DAPK1: variants seen among roughly 807,000 people sequenced by gnomAD.
DAPK1 encodes the protein death associated protein kinase 1.
In DAPK1, 56 loss-of-function variants were observed where a neutral mutation model predicts 144.9. The observed-to-expected ratio is 0.39, with a 90% CI of 0.31 to 0.48. The LOEUF is 0.48. DAPK1 is among the 20% of genes least tolerant of loss of function. The pLI is 0.95. For synonymous variants in DAPK1, 690 were observed against 749.0 expected (o/e 0.92, Z 1.29); for missense variants, 1,454 against 1,875.4 (o/e 0.78, Z 4.15).
intron 21 of DAPK1, among the ~76,000 whole-genome samples, chr9:87,691,502 C>A (rs941497387): frequency 2.0e-5 from 3 of 151,608 alleles, no homozygotes; most frequent in African/African-American, 7.3e-5. Context: ...TCTTCTCTGA[C>A]CTTTATTATT....
intron 2 of DAPK1, among the ~76,000 whole-genome samples, chr9:87,542,842 GATGCCCACATGC>G (rs1156406145): frequency 6.6e-6 from 1 of 152,148 alleles, no homozygotes; most frequent in African/African-American, 2.4e-5. Context: ...TCAGCAATGG[GATGCCCACATGC>G]ATGCCTCACA....
chr9:87,636,346 GA>G (rs1485642931), intron 3 of DAPK1, among the ~76,000 whole-genome samples: 4 of 152,200 alleles, frequency 2.6e-5, no homozygotes, highest in East Asian at 1.9e-4. Context: ...GGCCCCTGGG[GA>G]TAGGAGAGTC....
At chr9:87,531,099 G>A (rs1293031409) in intron 2 of DAPK1, among the ~76,000 whole-genome samples, 2 of 152,138 alleles carry the variant, frequency 1.3e-5, no homozygotes, top group Admixed American at 1.3e-4. Context: ...AAGGGGTTAG[G>A]GGGAGAGATC....
In DAPK1 at chr9:87,662,968, C is replaced by T. The variant is rs1830917021; in HGVS notation, c.1923+4841C>T. Reference sequence around the variant, plus strand: ...AGCTGAGTCAAGGCCTAGGGAGGGGCCTCTGGTCTTCCTGGAAGGCCCAGC... The same window carrying T: ...AGCTGAGTCAAGGCCTAGGGAGGGGTCTCTGGTCTTCCTGGAAGGCCCAGC... On this transcript the variant is annotated intron_variant, in intron 18 of 25. Coordinates refer to ENST00000408954, the MANE Select transcript of DAPK1 (RefSeq NM_004938.4). Among the ~76,000 whole-genome samples, 3 of 152,028 alleles carry T rather than the reference C, an allele frequency of 2.0e-5. No individual in the cohort carries two copies. The South Asian group carries it at 6.2e-4, about 32-fold the overall frequency.
intron 3 of DAPK1, among the ~76,000 whole-genome samples, chr9:87,619,856 G>A (rs1056259920): frequency 1.3e-5 from 2 of 152,152 alleles, no homozygotes; most frequent in South Asian, 2.1e-4. Context: ...TGCCCATCAC[G>A]TAACAGCTGC....
chr9:87,499,682 G>T (rs540761915), intron 2 of DAPK1, among the ~76,000 whole-genome samples: 2 of 152,300 alleles, frequency 1.3e-5, no homozygotes, highest in South Asian at 2.1e-4. Flanking sequence ...GTTGGTGTTG[G>T]TGGTTGCTTT....
chr9:87,637,253 C>G (rs1009808920), intron 3 of DAPK1, among the ~76,000 whole-genome samples: 1 of 152,002 alleles, frequency 6.6e-6, no homozygotes, highest in East Asian at 1.9e-4. Context: ...GTCACCATGC[C>G]CAGTTGTTTT....
chr9:87,581,797 G>T, intron 2 of DAPK1, among the ~76,000 whole-genome samples: 1 of 152,292 alleles, frequency 6.6e-6, no homozygotes, highest in South Asian at 2.1e-4. Flanking sequence ...TGCCACCGGG[G>T]AACAAACCAG....
chr9:87,653,234 G>A (rs561379044), intron 17 of DAPK1, among the ~76,000 whole-genome samples: 106 of 138,280 alleles, frequency 7.7e-4, no homozygotes, highest in Non-Finnish European at 1.5e-3. Context: ...ACCTGAACCC[G>A]GGTCCTGATT....
chr9:87,581,064 T>G (rs542490863), intron 2 of DAPK1, among the ~76,000 whole-genome samples: 84 of 152,322 alleles, frequency 5.5e-4, no homozygotes, highest in African/African-American at 2.0e-3. Context: ...GCGTAACTTA[T>G]CTGAGTTCTC....
intron 3 of DAPK1, among the ~76,000 whole-genome samples, chr9:87,611,466 GTT>G (rs1165165857): frequency 6.6e-6 from 1 of 152,110 alleles, no homozygotes; most frequent in South Asian, 2.1e-4. Flanking sequence ...TGACTTTTTG[GTT>G]TTTTTCTTGA....
chr9:87,592,005 C>T (rs1009119411), intron 2 of DAPK1, among the ~76,000 whole-genome samples: 5 of 152,318 alleles, frequency 3.3e-5, no homozygotes, highest in Middle Eastern at 3.4e-3. Flanking sequence ...GACCGTCCTC[C>T]GCTCCAGGGC....
chr9:87,676,205 C>T (rs1281636042), intron 19 of DAPK1, among the ~76,000 whole-genome samples: 8 of 152,360 alleles, frequency 5.3e-5, no homozygotes, highest in East Asian at 1.9e-4. Context: ...GCCTGGGCTT[C>T]GTGCCAGCCA....
chr9:87,594,329 T>C (rs550879263), intron 2 of DAPK1, among the ~76,000 whole-genome samples: 1 of 152,252 alleles, frequency 6.6e-6, no homozygotes, highest in South Asian at 2.1e-4. Flanking sequence ...GTCCTAGGGA[T>C]GGTGCTGAGT....
chr9:87,541,441 C>T (rs1050667282), intron 2 of DAPK1, among the ~76,000 whole-genome samples: 1 of 151,066 alleles, frequency 6.6e-6, no homozygotes, highest in South Asian at 2.1e-4. Flanking sequence ...CCCAGTTGTT[C>T]GGTAGGCTGA....
At chr9:87,682,582 A>C (rs910167126) in intron 20 of DAPK1, among the ~76,000 whole-genome samples, 2 of 152,186 alleles carry the variant, frequency 1.3e-5, no homozygotes, top group Non-Finnish European at 2.9e-5. Context: ...TGAGATTTAT[A>C]TTCCCTTTTC....
rs764976125 is a variant in DAPK1, at chr9:87,700,256, G to C, written c.2871+19G>C. The C allele has an allele frequency of 2.5e-6, 4 of 1,605,292 alleles. No individual in the cohort carries two copies. The highest frequency in any genetic ancestry group is 3.4e-6 in the Non-Finnish European group (4 of 1,172,010). ...TGTTTCGGTAAGTACACCATGGAAA[G>C]AGCCTGGACCCCTTTGTACTTCCTT... On this transcript the variant is annotated intron_variant, in intron 24 of 25. Transcript: ENST00000408954.
At chr9:87,663,978 C>T (rs1462007990) in intron 18 of DAPK1, among the ~76,000 whole-genome samples, 2 of 152,148 alleles carry the variant, frequency 1.3e-5, no homozygotes, top group Non-Finnish European at 2.9e-5. Context: ...CCAGCCCCCA[C>T]CTGGTTAAGG....
intron 2 of DAPK1, among the ~76,000 whole-genome samples, chr9:87,507,189 T>C (rs55687363): frequency 1.9e-3 from 290 of 152,324 alleles, no homozygotes; most frequent in African/African-American, 6.4e-3. Context: ...TGAAGTATAA[T>C]GTTGCTTACT....
Sources: gnomAD v4.1 joint callset for allele counts (sites outside exome capture counted in the v4.1 genomes callset) on GRCh38, gnomAD v4.1.1 for gene constraint, MANE v1.5 for transcripts, NCBI Gene and HGNC (gene_info 2026-07-23, HGNC 2026-07-21) for gene names.